ZFAT: variants seen among roughly 807,000 people sequenced by gnomAD.
ZFAT encodes zinc finger protein ZFAT.
In ZFAT, 64 loss-of-function variants were observed where a neutral mutation model predicts 117.7. That is an observed-to-expected ratio of 0.54 (90% CI 0.44 to 0.67). The LOEUF (loss-of-function observed/expected upper bound fraction) is 0.67. Ranked by LOEUF, ZFAT falls within the 30% of genes least tolerant of loss-of-function variation. ZFAT has a pLI of 0.00. For synonymous variants in ZFAT, 679 were observed against 615.0 expected, an observed-to-expected ratio of 1.10 and a Z score of -1.54; for missense variants, 1,433 against 1,584.5, an observed-to-expected ratio of 0.90 and a Z score of 1.62.
chr8:134,816,702 T>C, the ZFAT span, among the ~76,000 whole-genome samples: 1 of 152,066 alleles, frequency 6.6e-6, no homozygotes, highest in African/African-American at 2.4e-5. Context: ...TGCATACCAC[T>C]GGCCAGGCAC....
intron 3 of ZFAT, among the ~76,000 whole-genome samples, chr8:134,615,252 T>C (rs972256853): frequency 2.6e-5 from 4 of 152,152 alleles, no homozygotes; most frequent in African/African-American, 9.7e-5. Context: ...AGTGGTGCGA[T>C]CTTGGCTGAC....
chr8:134,789,120 T>C, the ZFAT span, among the ~76,000 whole-genome samples: 42 of 152,354 alleles, frequency 2.8e-4, 1 homozygote, highest in African/African-American at 9.9e-4. Context: ...TCTTGCCTTC[T>C]TTTAAATGCT....
In ZFAT at chr8:134,565,323, G is replaced by T. The variant is rs1328349498; in HGVS notation, c.2976+10C>A. ...CTGAACATCTGCCTTCTTCTCCAGA[G>T]CCCTCTTACCTTGAAGGAGACATGC... is the stretch of plus-strand genomic sequence containing the variant. On this transcript the variant is annotated intron_variant, in intron 11 of 15. Transcript: ENST00000377838. 3.7e-6 allele frequency: 6 copies of T among 1,612,816 alleles called. No homozygotes were observed. Among genetic ancestry groups the T allele is most frequent in the Non-Finnish European group, 5.1e-6 (6 of 1,179,620 alleles).
chr8:134,684,588 A>C (rs1402898060), intron 1 of ZFAT, among the ~76,000 whole-genome samples: 1 of 152,066 alleles, frequency 6.6e-6, no homozygotes, highest in Non-Finnish European at 1.5e-5. Context: ...CGTTGATTAG[A>C]TGTTTGACTG....
At chr8:134,812,947 G>C in the ZFAT span, among the ~76,000 whole-genome samples, 2 of 152,328 alleles carry the variant, frequency 1.3e-5, no homozygotes, top group South Asian at 2.1e-4. Flanking sequence ...AGAGTCACAA[G>C]AGCATTGGTA....
chr8:134,757,183 A>C, the ZFAT span, among the ~76,000 whole-genome samples: 3 of 151,364 alleles, frequency 2.0e-5, no homozygotes, highest in Admixed American at 6.6e-5. Context: ...CACCTGGCTA[A>C]TTTTTGTATT....
chr8:134,654,786 G>A (rs1367663973), intron 2 of ZFAT, among the ~76,000 whole-genome samples: 1 of 152,218 alleles, frequency 6.6e-6, no homozygotes, highest in Admixed American at 6.5e-5. Context: ...GCTGTACCCT[G>A]TGTCAGGCCC....
the ZFAT span, among the ~76,000 whole-genome samples, chr8:134,737,160 A>G: frequency 6.6e-6 from 1 of 152,066 alleles, no homozygotes; most frequent in African/African-American, 2.4e-5. Context: ...CATGATTGTA[A>G]TCCCAGCTAC....
At chr8:134,593,735 G>A (rs916848270) in intron 7 of ZFAT, among the ~76,000 whole-genome samples, 3 of 148,794 alleles carry the variant, frequency 2.0e-5, no homozygotes, top group African/African-American at 5.2e-5. Context: ...AAACAAAGGT[G>A]GGGGTTTCTA....
intron 2 of ZFAT, among the ~76,000 whole-genome samples, chr8:134,638,303 A>C (rs1048619901): frequency 1.2e-4 from 18 of 152,212 alleles, no homozygotes; most frequent in African/African-American, 4.3e-4. Context: ...CAATGGCATG[A>C]TCACAGCTGC....
At chr8:134,572,951 A>G (rs1407183605) in intron 10 of ZFAT, among the ~76,000 whole-genome samples, 7 of 152,258 alleles carry the variant, frequency 4.6e-5, no homozygotes, top group African/African-American at 1.7e-4. Context: ...ACCTAGATGA[A>G]TCTCACAAGC....
intron 5 of ZFAT, among the ~76,000 whole-genome samples, chr8:134,603,779 C>A (rs1311398579): frequency 6.6e-6 from 1 of 152,170 alleles, no homozygotes; most frequent in Non-Finnish European, 1.5e-5. Context: ...CAATCCAGGA[C>A]TGCGGGTGGG....
chr8:134,625,117 C>T (rs541553916), intron 3 of ZFAT, among the ~76,000 whole-genome samples: 7 of 152,334 alleles, frequency 4.6e-5, no homozygotes, highest in African/African-American at 1.7e-4. Context: ...GCTGAATGTG[C>T]TCTTCCTCGC....
At chr8:134,700,978 T>G (rs1273433806) in intron 1 of ZFAT, among the ~76,000 whole-genome samples, 3 of 152,130 alleles carry the variant, frequency 2.0e-5, no homozygotes, top group African/African-American at 7.2e-5. Flanking sequence ...CTTCAGTCAG[T>G]GCCCTCACCC....
the ZFAT span, among the ~76,000 whole-genome samples, chr8:134,809,035 G>A: frequency 6.6e-6 from 1 of 152,182 alleles, no homozygotes; most frequent in African/African-American, 2.4e-5. Flanking sequence ...TGCTGTATGA[G>A]CACAGTTCAG....
At chr8:134,659,975 A>G (rs993737679) in intron 1 of ZFAT, among the ~76,000 whole-genome samples, 6 of 152,254 alleles carry the variant, frequency 3.9e-5, no homozygotes, top group African/African-American at 1.4e-4. Flanking sequence ...TGCTTCGCCA[A>G]TGAAAATCTC....
chr8:134,621,112 G>A (rs1375313328), intron 3 of ZFAT, among the ~76,000 whole-genome samples: 1 of 150,976 alleles, frequency 6.6e-6, no homozygotes, highest in Non-Finnish European at 1.5e-5. Context: ...ATTTTAGTGA[G>A]ATCAATAGCT....
At chr8:134,516,805 A>C (rs1384056374) in intron 13 of ZFAT, among the ~76,000 whole-genome samples, 1 of 152,078 alleles carries the variant, frequency 6.6e-6, no homozygotes, top group Non-Finnish European at 1.5e-5. Flanking sequence ...GCAGTGAGCT[A>C]TGAAGGGAGG....
At chr8:134,771,186 C>T in the ZFAT span, among the ~76,000 whole-genome samples, 1 of 152,204 alleles carries the variant, frequency 6.6e-6, no homozygotes, top group Admixed American at 6.5e-5. Context: ...TGAGGCATCA[C>T]GGAACCTACC....
Sources: gnomAD v4.1 joint callset for allele counts (sites outside exome capture counted in the v4.1 genomes callset) on GRCh38, gnomAD v4.1.1 for gene constraint, MANE v1.5 for transcripts, NCBI Gene and HGNC (gene_info 2026-07-23, HGNC 2026-07-21) for gene names.